FBXL7: variants seen among roughly 807,000 people sequenced by gnomAD.
FBXL7 encodes F-box/LRR-repeat protein 7.
In FBXL7, 12 loss-of-function variants were observed where a neutral mutation model predicts 38.3. The observed-to-expected ratio is 0.31, with a 90% CI of 0.20 to 0.51. FBXL7 has a LOEUF of 0.51. FBXL7 is among the 20% of genes least tolerant of loss of function. FBXL7 has a pLI of 0.98. For missense variants in FBXL7, 567 were observed against 676.4 expected (o/e 0.84, Z 1.79); for synonymous variants, 297 against 300.9 (o/e 0.99, Z 0.13).
At chr5:15,891,865 G>A (rs1740917006) in intron 2 of FBXL7, among the ~76,000 whole-genome samples, 1 of 152,222 alleles carries the variant, frequency 6.6e-6, no homozygotes, top group Non-Finnish European at 1.5e-5. Context: ...CAGAGGGAGA[G>A]AGTGGCGGTG....
intron 2 of FBXL7, among the ~76,000 whole-genome samples, chr5:15,807,683 CTT>C (rs34248054): frequency 1.3e-5 from 2 of 148,554 alleles, no homozygotes. Context: ...TTTTTCTTTT[CTT>C]TTTTTTTTTA....
At chr5:15,922,194 T>C (rs148727590) in intron 2 of FBXL7, among the ~76,000 whole-genome samples, 1,999 of 151,870 alleles carry the variant, frequency 0.013, 32 homozygotes, top group African/African-American at 0.045. Context: ...TATTCAGCCA[T>C]TAAAAAGGAG....
At chr5:15,746,726 G>A (rs1393760535) in intron 2 of FBXL7, among the ~76,000 whole-genome samples, 2 of 152,082 alleles carry the variant, frequency 1.3e-5, no homozygotes, top group African/African-American at 4.8e-5. Context: ...GACTAGATAA[G>A]ACCATCTAAG....
chr5:15,932,882 C>T (rs544859750), intron 3 of FBXL7, among the ~76,000 whole-genome samples: 38 of 152,102 alleles, frequency 2.5e-4, no homozygotes, highest in Middle Eastern at 3.2e-3. Flanking sequence ...TACTGTATAT[C>T]TCTTGTGTAA....
intron 1 of FBXL7, among the ~76,000 whole-genome samples, chr5:15,516,784 G>C (rs1736948714): frequency 6.6e-6 from 1 of 152,088 alleles, no homozygotes; most frequent in African/African-American, 2.4e-5. Context: ...GGTTTTATAA[G>C]GAGCTCTTCC....
chr5:15,623,392 C>A (rs112493992), intron 2 of FBXL7, among the ~76,000 whole-genome samples: 1 of 152,092 alleles, frequency 6.6e-6, no homozygotes, highest in Non-Finnish European at 1.5e-5. Context: ...TAAGTCCTTG[C>A]GAGGAAGTCA....
intron 2 of FBXL7, among the ~76,000 whole-genome samples, chr5:15,881,607 T>G (rs184578515): frequency 1.3e-5 from 2 of 152,332 alleles, no homozygotes; most frequent in African/African-American, 4.8e-5. Flanking sequence ...TCCACACTTT[T>G]TTTCCATAGT....
chr5:15,727,815 C>A (rs1735450387), intron 2 of FBXL7, among the ~76,000 whole-genome samples: 1 of 152,088 alleles, frequency 6.6e-6, no homozygotes, highest in Non-Finnish European at 1.5e-5. Context: ...CTCGCTGATT[C>A]TTTCTCTTTG....
intron 2 of FBXL7, among the ~76,000 whole-genome samples, chr5:15,636,956 A>ATTT (rs201823956): frequency 4.6e-5 from 6 of 130,644 alleles, no homozygotes; most frequent in African/African-American, 1.5e-4. Context: ...AGAAGCAGAA[A>ATTT]TTTTTTTGTT....
chr5:15,634,433 T>C (rs1741111418), intron 2 of FBXL7, among the ~76,000 whole-genome samples: 2 of 149,968 alleles, frequency 1.3e-5, no homozygotes, highest in Non-Finnish European at 1.5e-5. Context: ...GCAATTCTCC[T>C]GCCTCAGCCT....
intron 1 of FBXL7, among the ~76,000 whole-genome samples, chr5:15,594,378 T>C (rs1340748820): frequency 1.3e-5 from 2 of 152,198 alleles, no homozygotes; most frequent in Non-Finnish European, 2.9e-5. Flanking sequence ...TCTTGGGCGG[T>C]CCACGCTAGA....
intron 2 of FBXL7, among the ~76,000 whole-genome samples, chr5:15,788,916 T>G (rs998872854): frequency 2.0e-5 from 3 of 150,292 alleles, no homozygotes; most frequent in African/African-American, 7.4e-5. Flanking sequence ...AGTGGTGTGA[T>G]CTCGGCTCAC....
In FBXL7 at chr5:15,936,393, G is replaced by C. The variant is rs1742186082; in HGVS notation, c.740-57G>C. Reference sequence around the variant, plus strand: ...TCAGGAATGCCCCAGGGCATCCCCAGGCGTGGCTCCCCTGCTGGCAGGTTG... The same window carrying C: ...TCAGGAATGCCCCAGGGCATCCCCACGCGTGGCTCCCCTGCTGGCAGGTTG... On this transcript the variant is annotated intron_variant, in intron 3 of 3. Transcript: ENST00000504595. The surrounding 1 kb of genome is among the most constrained non-coding windows in gnomAD (Gnocchi z 6.0). 5.7e-6 allele frequency: 9 copies of C among 1,566,574 alleles called. No individual in the cohort carries two copies. The highest frequency in any genetic ancestry group is 7.8e-6 in the Non-Finnish European group (9 of 1,156,988).
At chr5:15,629,377 G>A (rs752390763) in intron 2 of FBXL7, among the ~76,000 whole-genome samples, 9 of 152,158 alleles carry the variant, frequency 5.9e-5, no homozygotes, top group Non-Finnish European at 1.0e-4. Flanking sequence ...GAGACTATGT[G>A]CTGATTTAAG....
chr5:15,574,439 A>T (rs1738892178), intron 1 of FBXL7, among the ~76,000 whole-genome samples: 1 of 152,232 alleles, frequency 6.6e-6, no homozygotes, highest in Non-Finnish European at 1.5e-5. Flanking sequence ...TTGGATATGT[A>T]CTTCATTATT....
At chr5:15,686,765 C>T (rs1003474748) in intron 2 of FBXL7, among the ~76,000 whole-genome samples, 15 of 152,138 alleles carry the variant, frequency 9.9e-5, no homozygotes, top group African/African-American at 3.6e-4. Context: ...TGCAGTGATG[C>T]TTGAAAATAT....
At chr5:15,531,923 A>G (rs934735335) in intron 1 of FBXL7, among the ~76,000 whole-genome samples, 6 of 152,250 alleles carry the variant, frequency 3.9e-5, no homozygotes, top group Admixed American at 6.5e-5. Context: ...TTGCTGGTTC[A>G]GGATTAAGAG....
intron 2 of FBXL7, among the ~76,000 whole-genome samples, chr5:15,927,405 T>C (rs1453576274): frequency 6.6e-6 from 1 of 152,090 alleles, no homozygotes; most frequent in Admixed American, 6.5e-5. Context: ...TGGGATGGCA[T>C]TGGCAGGAGT....
chr5:15,500,742 C>T, intron 1 of FBXL7, 29 bp downstream of exon 1: 2 of 1,601,624 alleles, frequency 1.2e-6, no homozygotes, highest in Non-Finnish European at 8.5e-7. Flanking sequence ...CTCAGACTCC[C>T]GGATCGCGTC....
Sources: gnomAD v4.1 joint callset for allele counts (sites outside exome capture counted in the v4.1 genomes callset) on GRCh38, gnomAD v4.1.1 for gene constraint, Gnocchi (gnomAD v3.1) non-coding constraint, MANE v1.5 for transcripts, NCBI Gene and HGNC (gene_info 2026-07-23, HGNC 2026-07-21) for gene names.